Variants in C10orf90 observed in about 807,000 individuals in gnomAD.
C10orf90 encodes the protein chromosome 10 open reading frame 90.
Under a neutral mutation model 62.5 loss-of-function variants are expected in C10orf90, and 56 were observed. The observed-to-expected ratio is 0.90, with a 90% CI of 0.72 to 1.12. The LOEUF (loss-of-function observed/expected upper bound fraction) is 1.12. Ranked by LOEUF, C10orf90 falls within the 50% of genes most tolerant of loss-of-function variation. The pLI, the probability that C10orf90 is intolerant of heterozygous loss-of-function variation, is 0.00. For missense variants in C10orf90, 970 were observed against 880.4 expected (o/e 1.10, Z -1.29); for synonymous variants, 386 against 340.4 (o/e 1.13, Z -1.47).
chr10:126,607,287 A>G (rs1398525511), intron 2 of C10orf90, among the ~76,000 whole-genome samples: 1 of 152,188 alleles, frequency 6.6e-6, no homozygotes, highest in African/African-American at 2.4e-5. Context: ...AAAATGGGAA[A>G]CTCACATTAG....
At chr10:126,535,971 G>A (rs1864224723) in intron 2 of C10orf90, among the ~76,000 whole-genome samples, 1 of 152,152 alleles carries the variant, frequency 6.6e-6, no homozygotes. Flanking sequence ...GAATCTAGAT[G>A]TGCACTGAAG....
intron 2 of C10orf90, among the ~76,000 whole-genome samples, chr10:126,618,409 C>T (rs1483390603): frequency 6.6e-6 from 1 of 152,166 alleles, no homozygotes; most frequent in Non-Finnish European, 1.5e-5. Context: ...AGGGGCCTCC[C>T]GCCTCCCCAC....
At chr10:126,444,370 C>T (rs1344899952) in intron 7 of C10orf90, among the ~76,000 whole-genome samples, 1 of 152,080 alleles carries the variant, frequency 6.6e-6, no homozygotes, top group Non-Finnish European at 1.5e-5. Flanking sequence ...CTCTCCTATA[C>T]AACAAGAGCG....
intron 2 of C10orf90, among the ~76,000 whole-genome samples, chr10:126,564,753 GA>G (rs1844262497): frequency 7.5e-6 from 1 of 132,914 alleles, no homozygotes; most frequent in Non-Finnish European, 1.5e-5. Flanking sequence ...CCACCCTCCT[GA>G]AGGCGTCCAA....
chr10:126,624,061 A>G (rs375664292), intron 2 of C10orf90, among the ~76,000 whole-genome samples: 1 of 152,108 alleles, frequency 6.6e-6, no homozygotes, highest in Admixed American at 6.5e-5. Context: ...TCAGAATCCA[A>G]CTGGGGCCTA....
chr10:126,553,529 G>T (rs1864686316), intron 2 of C10orf90, among the ~76,000 whole-genome samples: 1 of 152,020 alleles, frequency 6.6e-6, no homozygotes, highest in Admixed American at 6.5e-5. Flanking sequence ...ACCTAGTGAT[G>T]TCATAGACAT....
At chr10:126,491,927 A>G (rs1861792546) in intron 4 of C10orf90, among the ~76,000 whole-genome samples, 1 of 152,250 alleles carries the variant, frequency 6.6e-6, no homozygotes, top group Non-Finnish European at 1.5e-5. Context: ...CAAGACAGGT[A>G]TGCAGGTTAC....
At position 126,426,925 on chromosome 10, in the gene C10orf90, C is replaced by T. The variant is rs568716034; in HGVS notation, c.2253-835G>A. On this transcript the variant is annotated intron_variant, in intron 8 of 9. Transcript: ENST00000488181. ...GGTATTGGACACTAGGCTTGAATTA[C>T]TTGACATGAATTATTTCATTTCATA... Among the ~76,000 whole-genome samples the T allele has an allele frequency of 3.3e-5, 5 of 152,336 alleles. No homozygotes were observed. In the South Asian group the frequency reaches 1.0e-3, roughly 32 times the overall value.
At chr10:126,650,788 G>A (rs1320551469) in intron 1 of C10orf90, among the ~76,000 whole-genome samples, 12 of 152,086 alleles carry the variant, frequency 7.9e-5, no homozygotes, top group Non-Finnish European at 8.8e-5. Flanking sequence ...CAAAACTCAG[G>A]CCCAGAAAGG....
At chr10:126,561,471 T>C (rs150697961) in intron 2 of C10orf90, among the ~76,000 whole-genome samples, 1 of 152,236 alleles carries the variant, frequency 6.6e-6, no homozygotes, top group Non-Finnish European at 1.5e-5. Flanking sequence ...TTGTAGGCAA[T>C]TACATTTTAT....
At chr10:126,555,326 A>G (rs7899134) in intron 2 of C10orf90, among the ~76,000 whole-genome samples, 5,018 of 152,238 alleles carry the variant, frequency 0.033, 165 homozygotes, top group African/African-American at 0.085. Flanking sequence ...CCTGGATACA[A>G]AAGAAACTGG....
chr10:126,507,856 A>G (rs927875658), intron 3 of C10orf90, among the ~76,000 whole-genome samples: 2 of 152,158 alleles, frequency 1.3e-5, no homozygotes, highest in African/African-American at 4.8e-5. Context: ...TTCCCCTTGT[A>G]GCACTTTTTA....
intron 2 of C10orf90, among the ~76,000 whole-genome samples, chr10:126,623,596 C>A (rs1021849174): frequency 1.3e-5 from 2 of 152,072 alleles, no homozygotes; most frequent in Admixed American, 6.5e-5. Flanking sequence ...AATCCCAGCA[C>A]TTTGGGAGGC....
intron 4 of C10orf90, among the ~76,000 whole-genome samples, chr10:126,477,454 C>A (rs1174741167): frequency 6.6e-6 from 1 of 152,122 alleles, no homozygotes; most frequent in Non-Finnish European, 1.5e-5. Context: ...ACCTGCCACA[C>A]TCCTTTGTGT....
At chr10:126,479,232 C>T (rs1458217026) in intron 4 of C10orf90, among the ~76,000 whole-genome samples, 1 of 152,236 alleles carries the variant, frequency 6.6e-6, no homozygotes, top group Non-Finnish European at 1.5e-5. Context: ...GTGGGCGGTC[C>T]TCCTGATGGG....
At chr10:126,556,538 T>C (rs1864777421) in intron 2 of C10orf90, among the ~76,000 whole-genome samples, 1 of 152,130 alleles carries the variant, frequency 6.6e-6, no homozygotes, top group African/African-American at 2.4e-5. Flanking sequence ...TTTCTTCATT[T>C]CCTCCTGATT....
At chr10:126,439,541 A>C (rs373160524) in intron 7 of C10orf90, among the ~76,000 whole-genome samples, 4 of 152,322 alleles carry the variant, frequency 2.6e-5, no homozygotes, top group African/African-American at 9.6e-5. Context: ...TGATCCAACT[A>C]TAAGAGAACA....
In C10orf90 at chr10:126,426,016, C is replaced by T. The variant is rs1564782441; in HGVS notation, c.2327G>A (p.Arg776Lys). Residue 776 changes from arginine to lysine, a missense_variant, in exon 9 of 10, where the codon AGA (arginine) becomes AAA (lysine). By Grantham distance (26) the Arg-to-Lys change is conservative. Coordinates refer to ENST00000488181, the MANE Select transcript of C10orf90 (RefSeq NM_001350921.2). Reference sequence around the variant, plus strand: ...CTTTTTGAAGACTTCGGCACGGAGTCTGTTACTTTGTAAGATCACCCTTTT... The same window carrying T: ...CTTTTTGAAGACTTCGGCACGGAGTTTGTTACTTTGTAAGATCACCCTTTT... ...QRKRVILQSN[R>K]LRAEVFKKQL... 5 of 1,614,196 alleles carry T rather than the reference C, an allele frequency of 3.1e-6. No individual in the cohort carries two copies. The highest frequency in any genetic ancestry group is 4.2e-6 in the Non-Finnish European group (5 of 1,180,020).
At chr10:126,521,867 G>A (rs1285602453) in intron 2 of C10orf90, among the ~76,000 whole-genome samples, 2 of 152,116 alleles carry the variant, frequency 1.3e-5, no homozygotes, top group Admixed American at 6.5e-5. Context: ...CAAATTTGAG[G>A]TAGCTTATAG....
Sources: allele counts gnomAD v4.1 joint callset (sites outside exome capture counted in the v4.1 genomes callset), GRCh38; gene constraint gnomAD v4.1.1; transcripts MANE v1.5; gene names NCBI Gene and HGNC (gene_info 2026-07-23, HGNC 2026-07-21).